The following CDH18 variants were observed in gnomAD, a reference collection of about 807,000 sequenced individuals.
CDH18 encodes the protein cadherin 18.
Under a neutral mutation model 67.9 loss-of-function variants are expected in CDH18, and 31 were observed. The ratio of observed to expected loss-of-function variants is 0.46; its 90% confidence interval spans 0.34 to 0.62. CDH18 has a LOEUF of 0.62. CDH18 is among the 20% of genes least tolerant of loss of function. The pLI is 0.01. For missense variants in CDH18, 890 were observed against 975.5 expected (o/e 0.91, Z 1.17); for synonymous variants, 362 against 347.2 (o/e 1.04, Z -0.48).
rs1254056326 is a variant in CDH18, at chr5:20,265,759, T to C, written c.-579-10254A>G. Among the ~76,000 whole-genome samples the C allele has an allele frequency of 2.0e-5, 3 of 152,178 alleles. No individual in the cohort carries two copies. The East Asian group carries it at 5.8e-4, about 29-fold the overall frequency. On this transcript the variant is annotated intron_variant, in intron 1 of 14. Coordinates refer to the CDH18 transcript ENST00000507958. ...TCTTGAACACCACTGTTATTGGTGA[T>C]AAAAGACAAGATGTGAAGATTAATT...
chr5:19,563,171 G>T (rs1739757280), intron 8 of CDH18, among the ~76,000 whole-genome samples: 1 of 151,948 alleles, frequency 6.6e-6, no homozygotes, highest in South Asian at 2.1e-4. Context: ...CATTTTGTTT[G>T]TTTGTTTTTA....
At chr5:20,205,569 T>C (rs1173969615) in intron 2 of CDH18, among the ~76,000 whole-genome samples, 1 of 151,916 alleles carries the variant, frequency 6.6e-6, no homozygotes, top group East Asian at 1.9e-4. Flanking sequence ...ACACACTCTT[T>C]ACATCAGCAC....
intron 3 of CDH18, among the ~76,000 whole-genome samples, chr5:19,822,484 G>C (rs1779972922): frequency 6.6e-6 from 1 of 152,128 alleles, no homozygotes; most frequent in East Asian, 1.9e-4. Context: ...CTAAGTGTCA[G>C]CCAGTTTGAG....
At chr5:19,561,177 G>T (rs759282876) in intron 8 of CDH18, among the ~76,000 whole-genome samples, 15 of 151,974 alleles carry the variant, frequency 9.9e-5, no homozygotes, top group Admixed American at 6.6e-5. Flanking sequence ...CATAGGAAAA[G>T]AAGGCATTAT....
chr5:20,388,665 T>G (rs1744534532), intron 1 of CDH18, among the ~76,000 whole-genome samples: 3 of 152,186 alleles, frequency 2.0e-5, no homozygotes, highest in Admixed American at 1.3e-4. Context: ...GATGTTAGGG[T>G]GTCTATTTTA....
intron 1 of CDH18, among the ~76,000 whole-genome samples, chr5:19,984,819 T>G (rs1799400514): frequency 6.6e-6 from 1 of 152,190 alleles, no homozygotes; most frequent in Non-Finnish European, 1.5e-5. Context: ...CTCAGTTCTT[T>G]TCCATTGTGC....
chr5:20,263,041 G>C (rs1214176263), intron 1 of CDH18, among the ~76,000 whole-genome samples: 1 of 149,584 alleles, frequency 6.7e-6, no homozygotes, highest in Non-Finnish European at 1.5e-5. Flanking sequence ...GGACAGGGAT[G>C]GGGGGACAGA....
intron 3 of CDH18, among the ~76,000 whole-genome samples, chr5:19,776,121 C>A (rs1774336339): frequency 6.6e-6 from 1 of 152,008 alleles, no homozygotes; most frequent in Non-Finnish European, 1.5e-5. Context: ...GAAAAAAATA[C>A]TATCTTGGAA....
intron 4 of CDH18, among the ~76,000 whole-genome samples, chr5:19,725,112 G>T (rs1039950616): frequency 1.3e-5 from 2 of 152,012 alleles, no homozygotes; most frequent in Non-Finnish European, 2.9e-5. Context: ...ATTTTTAGTA[G>T]AGACAGGGTT....
intron 1 of CDH18, among the ~76,000 whole-genome samples, chr5:20,447,471 G>A (rs56386957): frequency 0.045 from 6,892 of 151,958 alleles, 497 homozygotes; most frequent in African/African-American, 0.15. Flanking sequence ...CCCTATCACA[G>A]TATTCAGCAA....
chr5:20,301,554 C>T (rs1196213365), intron 1 of CDH18, among the ~76,000 whole-genome samples: 1 of 152,134 alleles, frequency 6.6e-6, no homozygotes, highest in Non-Finnish European at 1.5e-5. Context: ...ATTCCCACTT[C>T]CAGAATGAGA....
intron 2 of CDH18, among the ~76,000 whole-genome samples, chr5:20,248,952 T>C (rs1478857696): frequency 6.6e-6 from 1 of 152,194 alleles, no homozygotes; most frequent in Non-Finnish European, 1.5e-5. Flanking sequence ...GCCTATTACA[T>C]ATTGCAGTGT....
chr5:19,624,841 A>G (rs563617301), intron 5 of CDH18, among the ~76,000 whole-genome samples: 3 of 152,296 alleles, frequency 2.0e-5, no homozygotes, highest in African/African-American at 7.2e-5. Flanking sequence ...TGCATGCTAC[A>G]CTGAAAATAC....
chr5:20,193,642 A>G (rs940933760), intron 2 of CDH18, among the ~76,000 whole-genome samples: 6 of 152,114 alleles, frequency 3.9e-5, no homozygotes, highest in African/African-American at 1.2e-4. Context: ...AAGAGACACA[A>G]CAAAAAAAGA....
intron 3 of CDH18, among the ~76,000 whole-genome samples, chr5:19,834,669 A>G (rs991511559): frequency 6.6e-6 from 1 of 152,106 alleles, no homozygotes; most frequent in Non-Finnish European, 1.5e-5. Flanking sequence ...TTAGTGCTAT[A>G]AATTTCCCTC....
At chr5:19,545,646 G>A (rs1289778832) in intron 8 of CDH18, among the ~76,000 whole-genome samples, 3 of 152,206 alleles carry the variant, frequency 2.0e-5, no homozygotes, top group African/African-American at 4.8e-5. Flanking sequence ...TAAATCACAG[G>A]TGACTCCATT....
intron 2 of CDH18, among the ~76,000 whole-genome samples, chr5:20,235,379 T>C (rs1157812985): frequency 6.6e-6 from 1 of 151,732 alleles, no homozygotes; most frequent in African/African-American, 2.4e-5. Context: ...AAATATGAAT[T>C]TAACAAAGGC....
intron 2 of CDH18, among the ~76,000 whole-genome samples, chr5:20,224,014 C>T (rs1472481017): frequency 2.0e-5 from 3 of 151,992 alleles, no homozygotes; most frequent in Non-Finnish European, 2.9e-5. Context: ...TGAAGAATTG[C>T]TTCTCTTTTT....
intron 3 of CDH18, among the ~76,000 whole-genome samples, chr5:19,773,274 T>C (rs1248395583): frequency 1.3e-5 from 2 of 152,130 alleles, no homozygotes; most frequent in Non-Finnish European, 2.9e-5. Context: ...AAAAGGTAAG[T>C]AGAGCTCAGT....
Sources: gnomAD v4.1 joint callset for allele counts (sites outside exome capture counted in the v4.1 genomes callset) on GRCh38, gnomAD v4.1.1 for gene constraint, MANE v1.5 for transcripts, NCBI Gene and HGNC (gene_info 2026-07-23, HGNC 2026-07-21) for gene names.